Variants in GSE1 observed in about 807,000 individuals in gnomAD.
The protein encoded by GSE1 is Gse1 coiled-coil protein, also known as genetic suppressor element 1.
GSE1 carries 32 observed loss-of-function variants against 112.6 expected under a neutral mutation model. The ratio of observed to expected loss-of-function variants is 0.28; its 90% CI spans 0.21 to 0.38. The LOEUF is 0.38. Among genes scored for constraint, GSE1 ranks in the 10% least tolerant of loss-of-function variants. The pLI is 1.00. For missense variants in GSE1, 2,348 were observed against 1,699.2 expected (o/e 1.38, Z -6.71); for synonymous variants, 1,115 against 735.6 (o/e 1.52, Z -8.35).
intron 1 of GSE1, among the ~76,000 whole-genome samples, chr16:85,211,674 G>C (rs957826641): frequency 6.6e-6 from 1 of 152,198 alleles, no homozygotes; most frequent in African/African-American, 2.4e-5. Context: ...ACCAGGGGTG[G>C]AGTGAGATCC....
At chr16:85,329,357 C>T (rs2046291652) in intron 1 of GSE1, among the ~76,000 whole-genome samples, 1 of 152,144 alleles carries the variant, frequency 6.6e-6, no homozygotes, top group Non-Finnish European at 1.5e-5. Flanking sequence ...CTGCTAGGGG[C>T]GGCGTGGGGA....
Position 85,622,809 on chromosome 16 carries a change from G to C in GSE1, c.7+9411G>C, listed in dbSNP as rs1055030259. ...CCTGGGAAGGGGTTGACCTCTTTCTGTTACACCCTCATGGAGTTACCGTGT... is the reference window on the plus strand; with the variant it reads ...CCTGGGAAGGGGTTGACCTCTTTCTCTTACACCCTCATGGAGTTACCGTGT... On this transcript the variant is annotated intron_variant, in intron 1 of 15. Transcript: ENST00000253458. 1.2e-4 allele frequency among the ~76,000 whole-genome samples: 19 copies of C among 152,192 alleles called. No homozygotes were observed. In the East Asian group the frequency reaches 3.7e-3, roughly 29 times the overall value.
intron 3 of GSE1, among the ~76,000 whole-genome samples, chr16:85,652,360 G>A (rs2051434128): frequency 6.6e-6 from 1 of 152,228 alleles, no homozygotes; most frequent in Non-Finnish European, 1.5e-5. Flanking sequence ...CCAGGCGCTG[G>A]CTCCTCAATA....
chr16:85,638,162 C>G (rs533978043), intron 2 of GSE1, among the ~76,000 whole-genome samples: 24 of 152,362 alleles, frequency 1.6e-4, no homozygotes, highest in Middle Eastern at 6.8e-3. Context: ...CTGCGATTGC[C>G]TCCGCGTCTC....
chr16:85,304,613 G>GGGC (rs1597345354), intron 1 of GSE1, among the ~76,000 whole-genome samples: 2 of 131,854 alleles, frequency 1.5e-5, no homozygotes, highest in Non-Finnish European at 1.7e-5. Flanking sequence ...GGGGGGTGGG[G>GGGC]CATCCCTTTT....
intron 1 of GSE1, among the ~76,000 whole-genome samples, chr16:85,182,690 GT>G (rs2074614347): frequency 6.6e-6 from 1 of 152,138 alleles, no homozygotes; most frequent in Admixed American, 6.5e-5. Flanking sequence ...TGTCTTTAGG[GT>G]TTAAGACCTG....
chr16:85,631,641 G>A (rs1306129067), intron 1 of GSE1, among the ~76,000 whole-genome samples: 4 of 152,242 alleles, frequency 2.6e-5, no homozygotes, highest in South Asian at 2.1e-4. Context: ...CTGGCATGCT[G>A]TCTCGTAATG....
intron 1 of GSE1, among the ~76,000 whole-genome samples, chr16:85,560,135 T>TTC (rs2045445561): frequency 7.2e-6 from 1 of 139,368 alleles, no homozygotes; most frequent in East Asian, 2.0e-4. Flanking sequence ...CTTCTTTTTT[T>TTC]TTTTTTTTTT....
intron 2 of GSE1, among the ~76,000 whole-genome samples, chr16:85,501,998 C>T (rs759030288): frequency 4.6e-5 from 7 of 152,178 alleles, no homozygotes; most frequent in South Asian, 4.1e-4. Context: ...GAGGCTCAGC[C>T]GGGGAGCCAG....
intron 1 of GSE1, among the ~76,000 whole-genome samples, chr16:85,325,993 C>T (rs1434049017): frequency 4.6e-5 from 7 of 151,076 alleles, no homozygotes; most frequent in African/African-American, 9.8e-5. Context: ...ATGATCCACC[C>T]GCCTCAGCCT....
chr16:85,176,731 G>A (rs1201875212), intron 1 of GSE1, among the ~76,000 whole-genome samples: 1 of 152,218 alleles, frequency 6.6e-6, no homozygotes, highest in African/African-American at 2.4e-5. Flanking sequence ...TGTGGCCTCC[G>A]AGCCCAGAAC....
At position 85,654,961 on chromosome 16, in the gene GSE1, C is replaced by A. The variant is rs753603843; in HGVS notation, c.767C>A (p.Ala256Asp). ...GCCTACTACCACCCCAGCTACCTGG[C>A]CCCACACCCCTTCCCCCACCCGGCC... ...AAAYYHPSYL[A>D]PHPFPHPAFR... The change falls in exon 5 of 16, where the codon GCC becomes GAC. Residue 256 changes from alanine (A) to aspartate (D), a missense_variant. Coordinates refer to ENST00000253458, the MANE Select transcript of GSE1 (RefSeq NM_014615.5). 6.2e-7 allele frequency: 1 copy of A among 1,605,412 alleles called. No individual in the cohort carries two copies.
At chr16:85,428,440 T>G (rs1251687285) in intron 2 of GSE1, among the ~76,000 whole-genome samples, 1 of 152,232 alleles carries the variant, frequency 6.6e-6, no homozygotes, top group African/African-American at 2.4e-5. Flanking sequence ...TGATTGAACC[T>G]TACCAAGCCT....
chr16:85,246,434 TAC>T (rs141045364), intron 1 of GSE1, among the ~76,000 whole-genome samples: 2,069 of 44,266 alleles, frequency 0.047, 146 homozygotes, highest in African/African-American at 0.12. Context: ...CCATGCTCTC[TAC>T]ACACACACAC....
intron 2 of GSE1, among the ~76,000 whole-genome samples, chr16:85,499,699 C>T (rs114998266): frequency 0.011 from 1,738 of 152,218 alleles, 38 homozygotes; most frequent in African/African-American, 0.04. Flanking sequence ...ATTTTATGTG[C>T]ATTTTACTGC....
At chr16:85,644,739 A>G (rs914733116) in intron 2 of GSE1, among the ~76,000 whole-genome samples, 1 of 151,602 alleles carries the variant, frequency 6.6e-6, no homozygotes, top group Non-Finnish European at 1.5e-5. Flanking sequence ...TGGTCGCACA[A>G]CTCTGGACGT....
chr16:85,462,660 CGGGGAGCGCGGGCG>C (rs2050000838), intron 2 of GSE1, among the ~76,000 whole-genome samples: 2 of 59,472 alleles, frequency 3.4e-5, no homozygotes, highest in African/African-American at 1.3e-4. Flanking sequence ...GGAGGCTGCC[CGGGGAGCGCGGGCG>C]GGGGAGGGCG....
At chr16:85,272,476 T>C (rs985217283) in intron 1 of GSE1, among the ~76,000 whole-genome samples, 3 of 152,218 alleles carry the variant, frequency 2.0e-5, no homozygotes, top group African/African-American at 7.2e-5. Flanking sequence ...GAGATCTTTC[T>C]ACATGTCACC....
At chr16:85,398,765 A>C (rs2048024118) in intron 2 of GSE1, among the ~76,000 whole-genome samples, 1 of 152,162 alleles carries the variant, frequency 6.6e-6, no homozygotes, top group Non-Finnish European at 1.5e-5. Context: ...GGCTGGAAGA[A>C]AATGTCACTT....
Sources: gnomAD v4.1 joint callset for allele counts (sites outside exome capture counted in the v4.1 genomes callset) on GRCh38, gnomAD v4.1.1 for gene constraint, MANE v1.5 for transcripts, NCBI Gene and HGNC (gene_info 2026-07-23, HGNC 2026-07-21) for gene names.